TMEM260: variants seen among roughly 807,000 people sequenced by gnomAD.
TMEM260 encodes the protein protein O-mannosyl-transferase TMEM260.
Under a neutral mutation model 88.9 loss-of-function variants are expected in TMEM260, and 82 were observed. The observed-to-expected ratio is 0.92, with a 90% CI of 0.77 to 1.11. TMEM260 has a LOEUF of 1.11. TMEM260 is among the 50% of genes least tolerant of loss of function. The pLI is 0.00. For missense variants in TMEM260, 902 were observed against 853.4 expected (o/e 1.06, Z -0.71); for synonymous variants, 314 against 309.3 (o/e 1.02, Z -0.16).
intron 12 of TMEM260, among the ~76,000 whole-genome samples, chr14:56,628,451 T>C (rs962843674): frequency 2.0e-5 from 3 of 152,224 alleles, no homozygotes; most frequent in Non-Finnish European, 4.4e-5. Flanking sequence ...ATTTTTGGTA[T>C]CATATCTAAG....
intron 5 of TMEM260, among the ~76,000 whole-genome samples, chr14:56,607,121 AC>A (rs938758115): frequency 7.2e-5 from 11 of 152,328 alleles, no homozygotes; most frequent in Admixed American, 6.5e-4. Flanking sequence ...AAATGGAGAT[AC>A]GAAATATAAC....
chr14:56,656,388 C>T, the TMEM260 span, among the ~76,000 whole-genome samples: 2 of 149,218 alleles, frequency 1.3e-5, no homozygotes, highest in Non-Finnish European at 2.9e-5. Flanking sequence ...CACTGCACTC[C>T]AGCCTGGGGC....
At chr14:56,642,352 A>G (rs1453544784) in intron 15 of TMEM260, among the ~76,000 whole-genome samples, 1 of 152,192 alleles carries the variant, frequency 6.6e-6, no homozygotes, top group Middle Eastern at 3.4e-3. Context: ...GGATTAAGAA[A>G]CTCACTCAAA....
chr14:56,626,624 A>G (rs929819588), intron 12 of TMEM260, among the ~76,000 whole-genome samples: 11 of 152,224 alleles, frequency 7.2e-5, no homozygotes, highest in Non-Finnish European at 1.3e-4. Context: ...ATAGGTGTTT[A>G]CTGAATAGAT....
At chr14:56,636,417 C>G in intron 14 of TMEM260, 91 bp from the exon 15 acceptor site, 5 of 957,662 alleles carry the variant, frequency 5.2e-6, no homozygotes, top group Non-Finnish European at 6.8e-6. Flanking sequence ...TTGTACATCC[C>G]TTATCAGTGG....
chr14:56,592,833 C>T, intron 3 of TMEM260, among the ~76,000 whole-genome samples: 1 of 152,162 alleles, frequency 6.6e-6, no homozygotes, highest in East Asian at 1.9e-4. Flanking sequence ...TCTCAGTACA[C>T]TCAGTATAGA....
Position 56,647,638 on chromosome 14 carries a change from A to G in TMEM260, c.*141A>G. On this transcript the variant is annotated 3_prime_UTR_variant, in exon 16 of 16. Coordinates refer to ENST00000261556, the MANE Select transcript of TMEM260 (RefSeq NM_017799.4). ...GATATAAGTATCATGGTCCAGCAGTACTGTTTAATGGGGTATTCAGTGACT... is the reference window on the plus strand; with the variant it reads ...GATATAAGTATCATGGTCCAGCAGTGCTGTTTAATGGGGTATTCAGTGACT... The G allele has an allele frequency of 1.1e-6, 1 of 932,516 alleles. No homozygotes were observed. Among genetic ancestry groups the G allele is most frequent in the South Asian group, 1.8e-5 (1 of 55,076 alleles). 57.8% of individuals were successfully genotyped at this position (932,516 alleles called of 1,614,324 possible).
intron 6 of TMEM260, among the ~76,000 whole-genome samples, chr14:56,611,165 A>T (rs950317244): frequency 6.6e-6 from 1 of 151,828 alleles, no homozygotes; most frequent in African/African-American, 2.4e-5. Flanking sequence ...ACAGGGTTTC[A>T]CCATGTTGGC....
At chr14:56,625,020 A>C (rs1888156721) in intron 11 of TMEM260, among the ~76,000 whole-genome samples, 1 of 152,174 alleles carries the variant, frequency 6.6e-6, no homozygotes, top group Non-Finnish European at 1.5e-5. Flanking sequence ...GTGAAAATCT[A>C]ATGCTGCCAC....
chr14:56,604,366 T>C (rs1162796971), intron 4 of TMEM260, among the ~76,000 whole-genome samples: 1 of 152,154 alleles, frequency 6.6e-6, no homozygotes, highest in African/African-American at 2.4e-5. Context: ...ACTCACTCCT[T>C]AATTGCCAAA....
intron 3 of TMEM260, among the ~76,000 whole-genome samples, chr14:56,599,544 C>T (rs1886441863): frequency 6.6e-6 from 1 of 152,120 alleles, no homozygotes; most frequent in African/African-American, 2.4e-5. Context: ...GTATATGTTA[C>T]ATGGCAAGTA....
chr14:56,596,025 T>G (rs1305939614), intron 3 of TMEM260, among the ~76,000 whole-genome samples: 1 of 152,156 alleles, frequency 6.6e-6, no homozygotes, highest in African/African-American at 2.4e-5. Context: ...AATGAATTCT[T>G]TAATTTTTCC....
At chr14:56,643,899 A>G (rs1889779790) in intron 15 of TMEM260, among the ~76,000 whole-genome samples, 1 of 152,204 alleles carries the variant, frequency 6.6e-6, no homozygotes, top group South Asian at 2.1e-4. Context: ...GTGAACTCCC[A>G]TTCACAATTG....
At chr14:56,609,348 G>A (rs1208570149) in intron 6 of TMEM260, 63 bp downstream of exon 6, 2 of 1,460,550 alleles carry the variant, frequency 1.4e-6, no homozygotes, top group Non-Finnish European at 1.9e-6. Context: ...CTCTGCCTGG[G>A]CCTTGATTAA....
chr14:56,636,609 CT>C lies in TMEM260; in HGVS notation c.1869+15del. On this transcript the variant is annotated intron_variant, in intron 15 of 15. Coordinates refer to ENST00000261556, the MANE Select transcript of TMEM260 (RefSeq NM_017799.4). ...GCTCAAGCATATGACGTATGTTACA[CT>C]TTTATATGTAGATATAGATATATTT... The C allele has an allele frequency of 6.2e-7, 1 of 1,608,730 alleles. No individual in the cohort carries two copies. Among genetic ancestry groups the C allele is most frequent in the African/African-American group, 1.3e-5 (1 of 74,900 alleles).
At position 56,639,991 on chromosome 14, in the gene TMEM260, C is replaced by T. The variant is rs368184294; in HGVS notation, c.1869+3393C>T. Among the ~76,000 whole-genome samples the T allele has an allele frequency of 2.0e-4, 30 of 152,336 alleles. 1 individual carries two copies. In the East Asian group the frequency reaches 5.0e-3, roughly 26 times the overall value. ...AGGTAAACAAAGCAGCTGGGAAGCT[C>T]GAACTGGGTAGAGCCCACCACAGCT... On this transcript the variant is annotated intron_variant, in intron 15 of 15. Transcript: ENST00000261556.
In TMEM260 at chr14:56,647,367, C is replaced by G. The variant is rs147042249; in HGVS notation, c.1994C>G (p.Ser665Trp). The G allele has an allele frequency of 1.2e-6, 2 of 1,614,140 alleles. No individual in the cohort carries two copies. Among genetic ancestry groups the G allele is most frequent in the East Asian group, 2.2e-5 (1 of 44,870 alleles). Reference protein sequence around the residue: ...ARDADPEVLLSETIRHFRLYS... With the variant: ...ARDADPEVLLWETIRHFRLYS... ...GATGCAGATCCTGAAGTGCTGTTAT[C>G]GGAAACCATCAGACATTTCCGTCTG... is the stretch of plus-strand genomic sequence containing the variant. The change falls in exon 16 of 16, where the codon TCG becomes TGG. Residue 665 changes from serine to tryptophan, a missense_variant. Physicochemically the swap from Ser to Trp is radical, Grantham distance 177. Transcript: ENST00000261556.
At chr14:56,604,756 G>A (rs1886792094) in intron 4 of TMEM260, among the ~76,000 whole-genome samples, 1 of 152,188 alleles carries the variant, frequency 6.6e-6, no homozygotes, top group Non-Finnish European at 1.5e-5. Flanking sequence ...CTGCAATGGG[G>A]TTTTGTAGTA....
intron 7 of TMEM260, 22 bp downstream of exon 7, chr14:56,612,307 C>T (rs1283991823): frequency 4.4e-6 from 7 of 1,595,024 alleles, no homozygotes; most frequent in Non-Finnish European, 6.0e-6. Context: ...ATATTTGAAA[C>T]TACTTTAAAA....
Sources: gnomAD v4.1 joint callset for allele counts (sites outside exome capture counted in the v4.1 genomes callset) on GRCh38, gnomAD v4.1.1 for gene constraint, MANE v1.5 for transcripts, NCBI Gene and HGNC (gene_info 2026-07-23, HGNC 2026-07-21) for gene names.